STON1: variants seen among roughly 807,000 people sequenced by gnomAD.
STON1 encodes the protein stonin 1, also known as stonin-1.
STON1 carries 79 observed loss-of-function variants against 60.9 expected under a neutral mutation model. That is an observed-to-expected ratio of 1.30 (90% CI 1.08 to 1.56). STON1 has a LOEUF of 1.56. STON1 is among the 40% of genes most tolerant of loss of function. The pLI, the probability that STON1 is intolerant of heterozygous loss-of-function variation, is 0.00. For synonymous variants in STON1, 363 were observed against 306.9 expected, an observed-to-expected ratio of 1.18 and a Z score of -1.91; for missense variants, 1,166 against 858.9, an observed-to-expected ratio of 1.36 and a Z score of -4.47.
At chr2:48,578,709 CCAT>C (rs1428227327) in intron 1 of STON1, among the ~76,000 whole-genome samples, 1 of 151,536 alleles carries the variant, frequency 6.6e-6, no homozygotes, top group Non-Finnish European at 1.5e-5. Context: ...CTGCCCACCA[CCAT>C]GCCTGGCTAA....
In STON1 at chr2:48,582,059, GA is replaced by G; in HGVS notation, c.1433del (p.Lys478ArgfsTer14). On this transcript the variant is annotated frameshift_variant, in exon 2 of 4. Coordinates refer to ENST00000404752, the MANE Select transcript of STON1 (RefSeq NM_006873.4). LOFTEE classifies it high-confidence loss of function. ...RDESYYEKDSEKKGIDILDYH... is the reference protein window; with the variant it reads ...RDESYYEKDSXKKGIDILDYH... The stretch of plus-strand genomic sequence containing the variant: ...TGAATCCTATTATGAGAAGGACTCA[GA>G]AAAAAAGGGGATTGATATTCTTGAC... The G allele has an allele frequency of 6.2e-7, 1 of 1,613,560 alleles. No homozygotes were observed. Among genetic ancestry groups the G allele is most frequent in the Non-Finnish European group, 8.5e-7 (1 of 1,179,854 alleles).
At chr2:48,552,546 T>G (rs1042457713) in intron 1 of STON1, among the ~76,000 whole-genome samples, 2 of 151,986 alleles carry the variant, frequency 1.3e-5, no homozygotes, top group African/African-American at 4.8e-5. Context: ...GCAGGTCTCC[T>G]GGGGTCAGGA....
At chr2:48,578,989 GT>G (rs1267514884) in intron 1 of STON1, among the ~76,000 whole-genome samples, 6 of 150,338 alleles carry the variant, frequency 4.0e-5, no homozygotes, top group African/African-American at 7.3e-5. Context: ...TGGATATCAA[GT>G]TTTTTCAACA....
At chr2:48,547,206 C>G (rs1388728876) in intron 1 of STON1, among the ~76,000 whole-genome samples, 1 of 152,226 alleles carries the variant, frequency 6.6e-6, no homozygotes, top group African/African-American at 2.4e-5. Context: ...CCTCATCTCT[C>G]AAATGAAATG....
At chr2:48,586,033 G>C (rs530915548) in intron 2 of STON1, among the ~76,000 whole-genome samples, 1 of 152,384 alleles carries the variant, frequency 6.6e-6, no homozygotes, top group East Asian at 1.9e-4. Context: ...GCTCTACTTA[G>C]AGCAGGTGCT....
At position 48,582,495 on chromosome 2, in the gene STON1, C is replaced by G. The variant is rs1251829835; in HGVS notation, c.1862C>G (p.Ser621Ter). ...CCTGTCATTCAAGTCACTGTGGGGT[C>G]AGCAAAATATGAGAGTGCCTACCAG... Reference protein sequence around the residue: ...SEPVIQVTVGSAKYESAYQAV... With the variant: ...SEPVIQVTVG Residue 621 changes from serine to a stop codon, truncating the protein, a stop_gained, in exon 2 of 4, where the codon TCA (serine) becomes TGA (stop). Coordinates refer to ENST00000404752, the MANE Select transcript of STON1 (RefSeq NM_006873.4). LOFTEE classifies it high-confidence loss of function. 6.2e-7 allele frequency: 1 copy of G among 1,614,126 alleles called. No homozygotes were observed. Among genetic ancestry groups the G allele is most frequent in the Non-Finnish European group, 8.5e-7 (1 of 1,180,000 alleles).
At position 48,557,677 on chromosome 2, in the gene STON1, A is replaced by G. The variant is rs1054414658; in HGVS notation, c.-47-22910A>G. On this transcript the variant is annotated intron_variant, in intron 1 of 3. Coordinates refer to ENST00000404752, the MANE Select transcript of STON1 (RefSeq NM_006873.4). ...ACTGAGTGAACGAGACTCCGTCTGC[A>G]ATCCCGGCACCTCGGGAGGCCGAGG... 2.2e-4 allele frequency among the ~76,000 whole-genome samples: 15 copies of G among 69,240 alleles called. 1 individual carries two copies. Among genetic ancestry groups the G allele is most frequent in the Admixed American group, 9.6e-4 (7 of 7,266 alleles). The allele number at this position is 69,240 out of a possible 152,430, so 45.4% of individuals were successfully genotyped here.
At chr2:48,538,147 T>C (rs920111448) in intron 1 of STON1, among the ~76,000 whole-genome samples, 3 of 151,930 alleles carry the variant, frequency 2.0e-5, no homozygotes, top group Admixed American at 2.0e-4. Flanking sequence ...TTAGTAGAGA[T>C]GGAATTTCAC....
chr2:48,592,633 C>G lies in STON1; in HGVS notation c.2133+778C>G, dbSNP rs1331443601. The stretch of plus-strand genomic sequence containing the variant: ...TATTATTATTATTATTATTATTATT[C>G]TATTTTTAGTAGAGATGGGGTTTTG... On this transcript the variant is annotated intron_variant, in intron 3 of 3. Coordinates refer to ENST00000404752, the MANE Select transcript of STON1 (RefSeq NM_006873.4). 9.4e-5 allele frequency among the ~76,000 whole-genome samples: 9 copies of G among 95,356 alleles called. No individual in the cohort carries two copies. The South Asian group carries it at 3.0e-3, about 32-fold the overall frequency. The allele number at this position is 95,356 out of a possible 152,430, so 62.6% of individuals were successfully genotyped here. A position where few individuals can be genotyped will look rare whatever the true frequency, so the allele number is the denominator to read the frequency against.
intron 2 of STON1, among the ~76,000 whole-genome samples, chr2:48,588,442 C>T (rs1674333319): frequency 6.6e-6 from 1 of 152,146 alleles, no homozygotes; most frequent in Non-Finnish European, 1.5e-5. Context: ...CCTCTACCTC[C>T]CAGGCTCAAG....
chr2:48,543,529 C>CTTTTTT (rs869048449), intron 1 of STON1, among the ~76,000 whole-genome samples: 1 of 128,212 alleles, frequency 7.8e-6, no homozygotes, highest in Non-Finnish European at 1.6e-5. Flanking sequence ...TTAAAGATAA[C>CTTTTTT]TTTTTTTTTT....
chr2:48,564,291 G>C (rs1008951934), intron 1 of STON1, among the ~76,000 whole-genome samples: 5 of 151,906 alleles, frequency 3.3e-5, no homozygotes, highest in African/African-American at 9.7e-5. Context: ...TGAGGTCTAA[G>C]ATCAGGGTAC....
intron 1 of STON1, among the ~76,000 whole-genome samples, chr2:48,543,504 C>G (rs1253642516): frequency 1.3e-5 from 2 of 150,282 alleles, no homozygotes; most frequent in African/African-American, 4.9e-5. Context: ...GAGATAAAAA[C>G]TCTTTATTTC....
chr2:48,562,459 A>G (rs1672652411), intron 1 of STON1, among the ~76,000 whole-genome samples: 1 of 152,184 alleles, frequency 6.6e-6, no homozygotes. Flanking sequence ...TGTGACAAGC[A>G]TTTGTTTAAA....
At chr2:48,592,720 C>T (rs1211573436) in intron 3 of STON1, among the ~76,000 whole-genome samples, 1 of 151,838 alleles carries the variant, frequency 6.6e-6, no homozygotes, top group Non-Finnish European at 1.5e-5. Context: ...CTCGGCCTCC[C>T]CAAGTGCTGG....
rs745564427 is a variant in STON1 at position 48,581,034 on chromosome 2, C to G, written c.401C>G (p.Ala134Gly). ...LPTRPTCLSHALLPSDHSCTH... is the reference protein window; with the variant it reads ...LPTRPTCLSHGLLPSDHSCTH... ...ACCAGACCAACATGTTTATCCCATG[C>G]CTTGTTACCCAGTGACCACTCATGT... The change falls in exon 2 of 4, where the codon GCC becomes GGC. Residue 134 changes from alanine to glycine, a missense_variant. Coordinates refer to ENST00000404752, the MANE Select transcript of STON1 (RefSeq NM_006873.4). The G allele has an allele frequency of 6.3e-7, 1 of 1,575,242 alleles. No individual in the cohort carries two copies. Among genetic ancestry groups the G allele is most frequent in the South Asian group, 1.2e-5 (1 of 82,686 alleles).
intron 1 of STON1, among the ~76,000 whole-genome samples, chr2:48,561,214 T>C (rs761359252): frequency 6.6e-6 from 1 of 152,204 alleles, no homozygotes; most frequent in Non-Finnish European, 1.5e-5. Flanking sequence ...ACCTGACCAA[T>C]GTGCATAAAA....
At chr2:48,558,073 AT>A (rs1427201232) in intron 1 of STON1, among the ~76,000 whole-genome samples, 1 of 152,200 alleles carries the variant, frequency 6.6e-6, no homozygotes, top group Non-Finnish European at 1.5e-5. Flanking sequence ...AAATACAAAA[AT>A]TAGCTGGGCT....
At chr2:48,534,854 T>C (rs989361490) in intron 1 of STON1, among the ~76,000 whole-genome samples, 1 of 152,136 alleles carries the variant, frequency 6.6e-6, no homozygotes, top group East Asian at 1.9e-4. Context: ...ATGCCTCCCA[T>C]CTCTTCCAGC....
Sources: gnomAD v4.1 joint callset for allele counts (sites outside exome capture counted in the v4.1 genomes callset) on GRCh38, gnomAD v4.1.1 for gene constraint, MANE v1.5 for transcripts, NCBI Gene and HGNC (gene_info 2026-07-23, HGNC 2026-07-21) for gene names.